Variants in NTRK2 observed in about 807,000 individuals in gnomAD.
NTRK2 encodes the protein neurotrophic receptor tyrosine kinase 2.
Under a neutral mutation model 94.5 loss-of-function variants are expected in NTRK2, and 13 were observed. The observed-to-expected ratio is 0.14, with a 90% CI of 0.09 to 0.22. The LOEUF (loss-of-function observed/expected upper bound fraction) is 0.22, where lower values mean the gene tolerates loss of function less well. Ranked by LOEUF, NTRK2 falls within the 10% of genes least tolerant of loss-of-function variation. The pLI is 1.00. For synonymous variants in NTRK2, 372 were observed against 407.4 expected (o/e 0.91, Z 1.05); for missense variants, 639 against 1,071.2 (o/e 0.60, Z 5.63).
At chr9:84,847,740 G>T (rs933405821) in intron 12 of NTRK2, among the ~76,000 whole-genome samples, 1 of 152,118 alleles carries the variant, frequency 6.6e-6, no homozygotes, top group Non-Finnish European at 1.5e-5. Flanking sequence ...CTGAGCCATT[G>T]GTTCCACCTT....
At chr9:84,821,385 T>C (rs981131593) in intron 12 of NTRK2, among the ~76,000 whole-genome samples, 6 of 152,126 alleles carry the variant, frequency 3.9e-5, no homozygotes, top group Non-Finnish European at 8.8e-5. Flanking sequence ...TCAGTTCTAT[T>C]TGATCAAATG....
chr9:84,959,991 C>T (rs557687179), intron 17 of NTRK2, among the ~76,000 whole-genome samples: 3 of 152,340 alleles, frequency 2.0e-5, no homozygotes, highest in East Asian at 3.9e-4. Flanking sequence ...ATCTTGTTCT[C>T]TCTTGGGCTT....
intron 2 of NTRK2, among the ~76,000 whole-genome samples, chr9:84,671,581 T>A (rs779985080): frequency 6.6e-6 from 1 of 152,226 alleles, no homozygotes. Flanking sequence ...AATATGATAG[T>A]TGGAAGCCTA....
At position 85,025,449 on chromosome 9, in the gene NTRK2, G is replaced by A. The variant is rs1832986503; in HGVS notation, c.*4012G>A. ...GATGAGCAGTCCAAGACCCCACAGC[G>A]AGATGAGCAACTCTTAGGAATTCCC... On this transcript the variant is annotated 3_prime_UTR_variant, in exon 19 of 19. Coordinates refer to ENST00000277120, the MANE Select transcript of NTRK2 (RefSeq NM_006180.6). 4.3e-6 allele frequency: 1 copy of A among 233,240 alleles called. No individual in the cohort carries two copies. The highest frequency in any genetic ancestry group is 1.8e-4 in the South Asian group (1 of 5,530). The allele number at this position is 233,240 out of a possible 1,614,324, so 14.4% of individuals were successfully genotyped here.
In NTRK2 at chr9:84,899,429, T is replaced by G. The variant is rs375579930; in HGVS notation, c.1633+31998T>G. On this transcript the variant is annotated intron_variant, in intron 14 of 18. Coordinates refer to ENST00000277120, the MANE Select transcript of NTRK2 (RefSeq NM_006180.6). ...ATCTCAGTTGAATTTTTAACAGTTC[T>G]GTTACACCACTAATCCTTATCCTTT... Among the ~76,000 whole-genome samples, 8 of 152,360 alleles carry G rather than the reference T, an allele frequency of 5.3e-5. No individual in the cohort carries two copies. In the South Asian group the frequency reaches 8.3e-4, roughly 16 times the overall value.
intron 10 of NTRK2, among the ~76,000 whole-genome samples, chr9:84,742,483 G>T (rs933748206): frequency 6.6e-6 from 1 of 152,116 alleles, no homozygotes. Context: ...AGAATGTGGC[G>T]GGGGAGCTGC....
At chr9:84,866,720 C>T (rs1466473849) in intron 13 of NTRK2, among the ~76,000 whole-genome samples, 1 of 152,060 alleles carries the variant, frequency 6.6e-6, no homozygotes, top group Non-Finnish European at 1.5e-5. Context: ...TAATTCCACC[C>T]AAGAGAAATT....
intron 14 of NTRK2, among the ~76,000 whole-genome samples, chr9:84,907,547 G>C (rs2077108152): frequency 6.6e-6 from 1 of 152,120 alleles, no homozygotes; most frequent in African/African-American, 2.4e-5. Flanking sequence ...TGCCTGCCTG[G>C]CAAAAATCCC....
rs1474353240 is a variant in NTRK2 at position 84,918,883 on chromosome 9, C to T, written c.1634-15279C>T. On this transcript the variant is annotated intron_variant, in intron 14 of 18. Coordinates refer to ENST00000277120, the MANE Select transcript of NTRK2 (RefSeq NM_006180.6). ...TCTAGCTTGTTTCTCTGCTTCTGGG[C>T]ACTTTCATTTAATACACCATGCATA... Among the ~76,000 whole-genome samples, 6 of 152,274 alleles carry T rather than the reference C, an allele frequency of 3.9e-5. No homozygotes were observed. In the East Asian group the frequency reaches 1.2e-3, roughly 29 times the overall value.
chr9:84,967,134 T>C (rs545310797), intron 17 of NTRK2, among the ~76,000 whole-genome samples: 1 of 152,230 alleles, frequency 6.6e-6, no homozygotes, highest in East Asian at 1.9e-4. Flanking sequence ...TCCTGGGAGG[T>C]GAGCTTGACT....
intron 12 of NTRK2, among the ~76,000 whole-genome samples, chr9:84,754,978 C>G (rs981996261): frequency 1.3e-5 from 2 of 152,062 alleles, no homozygotes; most frequent in Non-Finnish European, 2.9e-5. Context: ...AGAAACAAAC[C>G]CCAGAAACCT....
At chr9:84,926,294 G>T (rs894270034) in intron 14 of NTRK2, among the ~76,000 whole-genome samples, 2 of 150,336 alleles carry the variant, frequency 1.3e-5, no homozygotes, top group Admixed American at 6.7e-5. Flanking sequence ...GTGCAATGGC[G>T]TGATCTCAGC....
chr9:84,797,611 A>ATATATACTATATATTATATATAT (rs2069558199), intron 12 of NTRK2, among the ~76,000 whole-genome samples: 5 of 54,682 alleles, frequency 9.1e-5, no homozygotes, highest in African/African-American at 4.5e-4. Flanking sequence ...ATTATATATA[A>ATATATACTATATATTATATATAT]TATATATACT....
chr9:84,812,606 A>T (rs1283663514), intron 12 of NTRK2: 1 of 1,046,504 alleles, frequency 9.6e-7, no homozygotes, highest in Non-Finnish European at 1.2e-6. Flanking sequence ...GATGAAATTC[A>T]AGCTGTGAGC....
chr9:84,723,032 C>T (rs1356578274), intron 6 of NTRK2, among the ~76,000 whole-genome samples: 1 of 152,150 alleles, frequency 6.6e-6, no homozygotes, highest in Non-Finnish European at 1.5e-5. Flanking sequence ...TTTGAAACTA[C>T]ATTTTCTTCA....
Position 85,022,801 on chromosome 9 carries a change from T to C in NTRK2, c.*1364T>C, listed in dbSNP as rs202006652. 10 of 233,078 alleles carry C rather than the reference T, an allele frequency of 4.3e-5. No homozygotes were observed. The highest frequency in any genetic ancestry group is 8.5e-5 in the Non-Finnish European group (10 of 118,050). The allele number at this position is 233,078 out of a possible 1,614,324, so 14.4% of individuals were successfully genotyped here. A position where few individuals can be genotyped will look rare whatever the true frequency, so the allele number is the denominator to read the frequency against. ...CTGCGTTGTACGGTGGTGATGGGTT[T>C]TAATGAATATGGACCCTGAAGCCTG... On this transcript the variant is annotated 3_prime_UTR_variant, in exon 19 of 19. Coordinates refer to ENST00000277120, the MANE Select transcript of NTRK2 (RefSeq NM_006180.6).
At chr9:84,841,802 C>G (rs1184867164) in intron 12 of NTRK2, among the ~76,000 whole-genome samples, 1 of 152,208 alleles carries the variant, frequency 6.6e-6, no homozygotes, top group Non-Finnish European at 1.5e-5. Context: ...AAGCTACATT[C>G]ACGGCAGAAA....
intron 12 of NTRK2, among the ~76,000 whole-genome samples, chr9:84,834,474 T>C (rs1324048664): frequency 6.6e-6 from 1 of 152,136 alleles, no homozygotes; most frequent in Non-Finnish European, 1.5e-5. Context: ...AAGTCACTGT[T>C]AACAAGGAGG....
At chr9:84,981,019 A>G (rs1283434875) in intron 17 of NTRK2, among the ~76,000 whole-genome samples, 1 of 152,210 alleles carries the variant, frequency 6.6e-6, no homozygotes, top group South Asian at 2.1e-4. Context: ...AGATTTCCCA[A>G]TTTTGGTAAC....
Sources: gnomAD v4.1 joint callset for allele counts (sites outside exome capture counted in the v4.1 genomes callset) on GRCh38, gnomAD v4.1.1 for gene constraint, MANE v1.5 for transcripts, NCBI Gene and HGNC (gene_info 2026-07-23, HGNC 2026-07-21) for gene names.